The following PTPRM variants were observed in gnomAD, a reference collection of about 807,000 sequenced individuals.
PTPRM encodes the protein protein tyrosine phosphatase receptor type M.
Under a neutral mutation model 186.7 loss-of-function variants are expected in PTPRM, and 47 were observed. The observed-to-expected ratio is 0.25, with a 90% confidence interval of 0.20 to 0.32. PTPRM has a LOEUF of 0.32. Ranked by LOEUF, PTPRM falls within the 10% of genes least tolerant of loss-of-function variation. The pLI is 1.00. For synonymous variants in PTPRM, 668 were observed against 674.9 expected, an observed-to-expected ratio of 0.99 and a Z score of 0.16; for missense variants, 1,494 against 1,865.0, an observed-to-expected ratio of 0.80 and a Z score of 3.66.
chr18:8,386,984 G>T, intron 30 of PTPRM, 88 bp from the exon 31 acceptor site: 1 of 1,336,902 alleles, frequency 7.5e-7, no homozygotes, highest in South Asian at 1.3e-5. Context: ...ATAATGGGAA[G>T]ATCAAGTAAG....
At chr18:8,219,607 T>A (rs910905553) in intron 14 of PTPRM, among the ~76,000 whole-genome samples, 7 of 152,190 alleles carry the variant, frequency 4.6e-5, no homozygotes, top group Non-Finnish European at 8.8e-5. Context: ...GGCAAAGACA[T>A]AAATCAATAC....
rs75642954 is a variant in PTPRM at position 7,793,356 on chromosome 18, A to G, written c.196+19085A>G. Among the ~76,000 whole-genome samples, 1,143 of 152,326 alleles carry G rather than the reference A, an allele frequency of 7.5e-3. 28 individuals are homozygous for G. The East Asian group carries it at 0.093, about 12-fold the overall frequency. ...ACCGTGATGTTCTTATAAGAAGTAAATGAGAGAATGTGTACAGAGCTTAGG... is the reference window on the plus strand; with the variant it reads ...ACCGTGATGTTCTTATAAGAAGTAAGTGAGAGAATGTGTACAGAGCTTAGG... On this transcript the variant is annotated intron_variant, in intron 2 of 32. Coordinates refer to ENST00000580170, the MANE Select transcript of PTPRM (RefSeq NM_001105244.2).
At chr18:8,135,491 G>A (rs1475072492) in intron 13 of PTPRM, among the ~76,000 whole-genome samples, 1 of 152,102 alleles carries the variant, frequency 6.6e-6, no homozygotes, top group Non-Finnish European at 1.5e-5. Flanking sequence ...CTTTGATCCA[G>A]AATCCACGGG....
rs146095023 is a variant in PTPRM at position 7,570,697 on chromosome 18, A to G, written c.73+2806A>G. ...AATATAATCAGTCAAGGGTTTTTGT[A>G]TAACTCAGACATTATCTACACAAGG... is the stretch of plus-strand genomic sequence containing the variant. On this transcript the variant is annotated intron_variant, in intron 1 of 32. Transcript: ENST00000580170. Among the ~76,000 whole-genome samples, 1,483 of 152,180 alleles carry G rather than the reference A, an allele frequency of 9.7e-3. 7 individuals are homozygous for G. Among genetic ancestry groups the G allele is most frequent in the Middle Eastern group, 0.017 (5 of 294 alleles).
intron 11 of PTPRM, among the ~76,000 whole-genome samples, chr18:8,097,457 G>T (rs2091068012): frequency 6.6e-6 from 1 of 152,140 alleles, no homozygotes; most frequent in African/African-American, 2.4e-5. Context: ...TTAGTACCTG[G>T]TTAAAATCCT....
chr18:8,115,597 A>G (rs1010783502), intron 13 of PTPRM, among the ~76,000 whole-genome samples: 1 of 152,222 alleles, frequency 6.6e-6, no homozygotes, highest in African/African-American at 2.4e-5. Flanking sequence ...AAAGTCAAAT[A>G]CAATCATTTA....
intron 1 of PTPRM, among the ~76,000 whole-genome samples, chr18:7,582,995 T>G (rs2036885254): frequency 6.6e-6 from 1 of 152,202 alleles, no homozygotes; most frequent in African/African-American, 2.4e-5. Flanking sequence ...AGGGTATGAA[T>G]TCTACTTCCT....
chr18:8,216,004 C>G (rs1414017220), intron 14 of PTPRM, among the ~76,000 whole-genome samples: 1 of 152,254 alleles, frequency 6.6e-6, no homozygotes, highest in Non-Finnish European at 1.5e-5. Context: ...TGATTCCTTC[C>G]TGCTAAAGCA....
At chr18:8,330,545 T>C (rs1182933105) in intron 22 of PTPRM, among the ~76,000 whole-genome samples, 1 of 152,230 alleles carries the variant, frequency 6.6e-6, no homozygotes, top group Non-Finnish European at 1.5e-5. Flanking sequence ...TCTCTGGCAG[T>C]AGCCCCTGAA....
At chr18:7,904,372 A>G (rs999487246) in intron 3 of PTPRM, among the ~76,000 whole-genome samples, 6 of 152,148 alleles carry the variant, frequency 3.9e-5, no homozygotes, top group African/African-American at 1.4e-4. Flanking sequence ...CACCAACACA[A>G]GGAGTGGTGG....
At chr18:8,388,749 C>A (rs2095793541) in intron 31 of PTPRM, among the ~76,000 whole-genome samples, 1 of 152,112 alleles carries the variant, frequency 6.6e-6, no homozygotes, top group African/African-American at 2.4e-5. Flanking sequence ...ATCACGAGGT[C>A]AGGAGATCAA....
intron 19 of PTPRM, among the ~76,000 whole-genome samples, chr18:8,283,226 G>T (rs2094923057): frequency 6.6e-6 from 1 of 152,218 alleles, no homozygotes; most frequent in African/African-American, 2.4e-5. Flanking sequence ...GTTATGTGAG[G>T]TGTAATCATT....
At chr18:7,664,060 G>A (rs563348466) in intron 1 of PTPRM, among the ~76,000 whole-genome samples, 3,190 of 152,304 alleles carry the variant, frequency 0.021, 117 homozygotes, top group African/African-American at 0.073. Context: ...ATTGGGAAAG[G>A]GTAAGGGCTT....
intron 2 of PTPRM, among the ~76,000 whole-genome samples, chr18:7,799,334 C>T (rs117450912): frequency 6.6e-6 from 1 of 152,152 alleles, no homozygotes; most frequent in Non-Finnish European, 1.5e-5. Context: ...CCCAAGTGCC[C>T]CCCTTCTTCA....
intron 2 of PTPRM, among the ~76,000 whole-genome samples, chr18:7,827,613 G>T (rs2045552409): frequency 6.6e-6 from 1 of 152,108 alleles, no homozygotes; most frequent in Admixed American, 6.5e-5. Flanking sequence ...ATGATCTTGG[G>T]CACCAAGCAC....
chr18:7,830,074 A>G (rs1417031299), intron 2 of PTPRM, among the ~76,000 whole-genome samples: 1 of 152,172 alleles, frequency 6.6e-6, no homozygotes, highest in Non-Finnish European at 1.5e-5. Flanking sequence ...CTAATTCAAT[A>G]TACTTCATTG....
rs555581767 is a variant in PTPRM at position 7,838,371 on chromosome 18, C to T, written c.197-49735C>T. Among the ~76,000 whole-genome samples the T allele has an allele frequency of 9.2e-5, 14 of 152,260 alleles. No individual in the cohort carries two copies. In the East Asian group the frequency reaches 1.4e-3, roughly 15 times the overall value. ...CGACATGTGGGGATTATGGGAACTA[C>T]GATTCAAGATGAGATTTGGGTGAGG... is the stretch of plus-strand genomic sequence containing the variant. On this transcript the variant is annotated intron_variant, in intron 2 of 32. Transcript: ENST00000580170.
chr18:7,724,225 G>C (rs746820574), intron 1 of PTPRM, among the ~76,000 whole-genome samples: 43 of 152,134 alleles, frequency 2.8e-4, no homozygotes, highest in Middle Eastern at 6.8e-3. Context: ...CAAAATTCTT[G>C]TATACACTGA....
intron 1 of PTPRM, among the ~76,000 whole-genome samples, chr18:7,746,879 G>A (rs1213200088): frequency 6.6e-6 from 1 of 152,164 alleles, no homozygotes; most frequent in Non-Finnish European, 1.5e-5. Context: ...TCTCTGAAGG[G>A]TGGATGGAGG....
Sources: allele counts gnomAD v4.1 joint callset (sites outside exome capture counted in the v4.1 genomes callset), GRCh38; gene constraint gnomAD v4.1.1; transcripts MANE v1.5; gene names NCBI Gene and HGNC (gene_info 2026-07-23, HGNC 2026-07-21).